The following LINGO1 variants were observed in gnomAD, a reference collection of about 807,000 sequenced individuals.
The protein encoded by LINGO1 is leucine-rich repeat and immunoglobulin-like domain-containing nogo receptor-interacting protein 1.
LINGO1 carries 11 observed loss-of-function variants against 37.3 expected under a neutral mutation model. That is an observed-to-expected ratio of 0.29 (90% confidence interval 0.19 to 0.49). The LOEUF (loss-of-function observed/expected upper bound fraction) is 0.49, where lower values mean the gene tolerates loss of function less well. Among genes scored for constraint, LINGO1 ranks in the 20% least tolerant of loss-of-function variants. The probability of loss-of-function intolerance (pLI) is 0.99; values close to 1 mark genes in which losing one functional copy is unlikely to be tolerated. For synonymous variants in LINGO1, 387 were observed against 403.0 expected (o/e 0.96, Z 0.48); for missense variants, 585 against 878.2 (o/e 0.67, Z 4.22).
chr15:77,627,039 A>C (rs1014521454), intron 1 of LINGO1, among the ~76,000 whole-genome samples: 3 of 146,048 alleles, frequency 2.1e-5, no homozygotes, highest in Non-Finnish European at 4.5e-5. Context: ...CCCAGAGGCG[A>C]GAGCAGGTTC....
intron 3 of LINGO1, among the ~76,000 whole-genome samples, chr15:77,641,398 G>A (rs192315348): frequency 1.2e-4 from 18 of 152,328 alleles, no homozygotes; most frequent in Admixed American, 1.1e-3. Flanking sequence ...ATAATTGATG[G>A]TGGGAGAGAG....
intron 3 of LINGO1, among the ~76,000 whole-genome samples, chr15:77,666,127 A>G (rs1308167401): frequency 6.6e-6 from 1 of 152,000 alleles, no homozygotes; most frequent in Non-Finnish European, 1.5e-5. Flanking sequence ...TGAATGAATG[A>G]ATGAGTGAAT....
chr15:77,782,212 T>TACACACACACACACAC (rs56734688), intron 1 of LINGO1, among the ~76,000 whole-genome samples: 1 of 150,042 alleles, frequency 6.7e-6, no homozygotes, highest in Non-Finnish European at 1.5e-5. Flanking sequence ...TGCGCACGCG[T>TACACACACACACACAC]ACACACACAC....
chr15:77,713,461 T>C (rs2075945454), intron 2 of LINGO1, among the ~76,000 whole-genome samples: 1 of 151,392 alleles, frequency 6.6e-6, no homozygotes, highest in Admixed American at 6.6e-5. Context: ...ATAACAAAAT[T>C]ACAGAGGAGG....
At chr15:77,616,704 TGACCCAGCTCAGGCTCCTGA>T (rs1332542142) in intron 1 of LINGO1, among the ~76,000 whole-genome samples, 2 of 152,256 alleles carry the variant, frequency 1.3e-5, no homozygotes, top group African/African-American at 4.8e-5. Context: ...GTCCCATCGG[TGACCCAGCTCAGGCTCCTGA>T]GCCCAGGGCC....
At chr15:77,786,048 T>C (rs894134133) in intron 1 of LINGO1, among the ~76,000 whole-genome samples, 13 of 152,078 alleles carry the variant, frequency 8.5e-5, no homozygotes, top group Admixed American at 6.5e-4. Flanking sequence ...ATTGTGCATA[T>C]GGGAGAAACT....
chr15:77,658,014 G>A (rs2074904108), intron 3 of LINGO1, among the ~76,000 whole-genome samples: 2 of 152,202 alleles, frequency 1.3e-5, no homozygotes, highest in Admixed American at 1.3e-4. Flanking sequence ...CCGGGGGTGG[G>A]AGGGGAGTGG....
Position 77,615,075 on chromosome 15 carries a change from C to A in LINGO1, c.832G>T (p.Val278Leu), listed in dbSNP as rs1209288929. 6.2e-7 allele frequency: 1 copy of A among 1,613,990 alleles called. No homozygotes were observed. Among genetic ancestry groups the A allele is most frequent in the African/African-American group, 1.3e-5 (1 of 75,040 alleles). Residue 278 changes from valine (V) to leucine (L), a missense_variant, in exon 2 of 2, where the codon GTG (valine) becomes TTG (leucine). Coordinates refer to ENST00000355300, the MANE Select transcript of LINGO1 (RefSeq NM_032808.7). ...LSITHCNLTA[V>L]PYLAVRHLVY... ...AGGTGGCGGACGGCCAGGTAGGGCA[C>A]AGCGGTCAGATTGCAGTGTGTGATG...
intron 2 of LINGO1, among the ~76,000 whole-genome samples, chr15:77,685,029 T>G: frequency 8.2e-6 from 1 of 121,778 alleles, no homozygotes; most frequent in Non-Finnish European, 1.7e-5. Flanking sequence ...TGTGGACAGA[T>G]AGAGTTGGGG....
At chr15:77,634,448 A>G, upstream of LINGO1, 1 of 409,018 alleles carries the variant, frequency 2.4e-6, no homozygotes, top group Non-Finnish European at 4.9e-6. Context: ...TCTACTGTGA[A>G]CTGTACGTTC....
chr15:77,674,305 C>T (rs528390695), intron 3 of LINGO1, among the ~76,000 whole-genome samples: 1 of 152,210 alleles, frequency 6.6e-6, no homozygotes, highest in Non-Finnish European at 1.5e-5. Flanking sequence ...ATTGCCTCCT[C>T]CCTGGATCAC....
At chr15:77,713,304 C>T (rs2075943219) in intron 2 of LINGO1, among the ~76,000 whole-genome samples, 1 of 149,586 alleles carries the variant, frequency 6.7e-6, no homozygotes, top group Non-Finnish European at 1.5e-5. Flanking sequence ...TCTTGAACTC[C>T]TGAGCTCAAG....
chr15:77,661,194 C>T lies in LINGO1; in HGVS notation c.-13+15895G>A, dbSNP rs543081339. Reference sequence around the variant, plus strand: ...GGGACAGTGCCTGAGCCCCCAGACCCACCCCACACCAAGAAGGCAGAGGGA... The same window carrying T: ...GGGACAGTGCCTGAGCCCCCAGACCTACCCCACACCAAGAAGGCAGAGGGA... On this transcript the variant is annotated intron_variant, in intron 3 of 3. Coordinates refer to the LINGO1 transcript ENST00000559893. Among the ~76,000 whole-genome samples, 8 of 152,288 alleles carry T rather than the reference C, an allele frequency of 5.3e-5. No individual in the cohort carries two copies. The South Asian group carries it at 1.7e-3, about 32-fold the overall frequency.
chr15:77,689,110 A>AT (rs1393198267), intron 2 of LINGO1, among the ~76,000 whole-genome samples: 1 of 152,222 alleles, frequency 6.6e-6, no homozygotes, highest in Admixed American at 6.5e-5. Context: ...GAGGAAGGGC[A>AT]TAATAGGCAA....
chr15:77,790,794 C>A (rs72730732), upstream of LINGO1, among the ~76,000 whole-genome samples: 2 of 151,930 alleles, frequency 1.3e-5, no homozygotes, highest in Non-Finnish European at 2.9e-5. Flanking sequence ...TTCAGGGAGG[C>A]GGATTCAGCT....
intron 3 of LINGO1, chr15:77,647,968 T>C (rs1268026449): frequency 4.4e-6 from 2 of 455,674 alleles, no homozygotes; most frequent in Admixed American, 2.4e-5. Context: ...GACAGTGAGA[T>C]ATCTATTTCC....
intron 1 of LINGO1, among the ~76,000 whole-genome samples, chr15:77,769,622 T>C (rs192947096): frequency 1.5e-4 from 23 of 152,186 alleles, no homozygotes; most frequent in African/African-American, 5.1e-4. Context: ...AGGATTGCCA[T>C]GGAGAGAGGC....
chr15:77,773,352 C>A (rs1380885001), intron 1 of LINGO1, among the ~76,000 whole-genome samples: 1 of 152,228 alleles, frequency 6.6e-6, no homozygotes, highest in East Asian at 1.9e-4. Flanking sequence ...TGAACACCCA[C>A]TGTGTGCCAG....
chr15:77,778,575 A>G (rs2076684542), intron 1 of LINGO1, among the ~76,000 whole-genome samples: 1 of 152,158 alleles, frequency 6.6e-6, no homozygotes, highest in Non-Finnish European at 1.5e-5. Context: ...CCAGCTGCCC[A>G]AGCCAAAAAC....
Sources: allele counts gnomAD v4.1 joint callset (sites outside exome capture counted in the v4.1 genomes callset), GRCh38; gene constraint gnomAD v4.1.1; transcripts MANE v1.5; gene names NCBI Gene and HGNC (gene_info 2026-07-23, HGNC 2026-07-21).